Variants in RBMS3 observed in about 807,000 individuals in gnomAD.
RBMS3 encodes RNA-binding motif, single-stranded-interacting protein 3.
A neutral mutation model predicts 66.8 loss-of-function variants in RBMS3; 27 were observed. The ratio of observed to expected loss-of-function variants is 0.40; its 90% CI spans 0.30 to 0.56. The LOEUF (loss-of-function observed/expected upper bound fraction) is 0.56, where lower values mean the gene tolerates loss of function less well. Among genes scored for constraint, RBMS3 ranks in the 20% least tolerant of loss-of-function variants. The pLI, the probability that RBMS3 is intolerant of heterozygous loss-of-function variation, is 0.40. For missense variants in RBMS3, 513 were observed against 549.5 expected (o/e 0.93, Z 0.66); for synonymous variants, 188 against 183.0 (o/e 1.03, Z -0.22).
chr3:29,931,067 G>T (rs956684706), intron 10 of RBMS3, among the ~76,000 whole-genome samples: 5 of 152,130 alleles, frequency 3.3e-5, no homozygotes, highest in Non-Finnish European at 7.4e-5. Flanking sequence ...CTAGACAGTG[G>T]TGAACAAAAC....
chr3:29,677,146 G>T (rs2051290991), intron 4 of RBMS3, among the ~76,000 whole-genome samples: 1 of 152,060 alleles, frequency 6.6e-6, no homozygotes, highest in South Asian at 2.1e-4. Context: ...AAGGGGGATG[G>T]TACTAAACAA....
At position 29,701,234 on chromosome 3, in the gene RBMS3, G is replaced by A. The variant is rs533745179; in HGVS notation, c.400-38486G>A. 7.2e-5 allele frequency among the ~76,000 whole-genome samples: 11 copies of A among 151,758 alleles called. No homozygotes were observed. The South Asian group carries it at 1.9e-3, about 26-fold the overall frequency. On this transcript the variant is annotated intron_variant, in intron 4 of 14. Transcript: ENST00000383767. ...AGAGGTTGCAGTGAGCTGAGATCGC[G>A]CCATTGCACTCCAGCCTGGGCAATA... is the stretch of plus-strand genomic sequence containing the variant.
At chr3:29,776,872 G>A (rs889156987) in intron 6 of RBMS3, among the ~76,000 whole-genome samples, 1 of 151,872 alleles carries the variant, frequency 6.6e-6, no homozygotes, top group Non-Finnish European at 1.5e-5. Context: ...AATTATACAT[G>A]TCCATGTTAG....
At chr3:29,905,565 G>A (rs371456055) in intron 10 of RBMS3, among the ~76,000 whole-genome samples, 1 of 151,710 alleles carries the variant, frequency 6.6e-6, no homozygotes, top group Non-Finnish European at 1.5e-5. Flanking sequence ...TTTTATCTTT[G>A]TATCTGTTTT....
chr3:29,344,838 A>G (rs1575583834), intron 1 of RBMS3, among the ~76,000 whole-genome samples: 1 of 152,220 alleles, frequency 6.6e-6, no homozygotes, highest in Non-Finnish European at 1.5e-5. Flanking sequence ...TAAATAAAAT[A>G]GGTTATCTTG....
At chr3:29,682,416 G>A (rs1559564796) in intron 4 of RBMS3, among the ~76,000 whole-genome samples, 1 of 152,232 alleles carries the variant, frequency 6.6e-6, no homozygotes. Flanking sequence ...GCCTCCCAAA[G>A]TGCGGGGATG....
At chr3:29,886,596 G>A (rs542109264) in intron 8 of RBMS3, among the ~76,000 whole-genome samples, 14 of 151,946 alleles carry the variant, frequency 9.2e-5, no homozygotes, top group South Asian at 8.3e-4. Context: ...GTTTTACTGG[G>A]GTGAAAGTTT....
chr3:29,675,220 C>G (rs900779453), intron 4 of RBMS3, among the ~76,000 whole-genome samples: 20 of 152,112 alleles, frequency 1.3e-4, no homozygotes, highest in African/African-American at 4.8e-4. Context: ...ACTGGCTAGC[C>G]ATATGTAGAA....
chr3:29,534,742 G>A (rs528563936), intron 3 of RBMS3, among the ~76,000 whole-genome samples: 108 of 152,222 alleles, frequency 7.1e-4, no homozygotes, highest in Non-Finnish European at 1.1e-3. Context: ...CTTTAAATAA[G>A]CCCTGATCAT....
chr3:29,302,088 C>T (rs1297191992), intron 1 of RBMS3, among the ~76,000 whole-genome samples: 1 of 152,052 alleles, frequency 6.6e-6, no homozygotes, highest in Non-Finnish European at 1.5e-5. Flanking sequence ...TGGCTCACTG[C>T]AGCCTTGAGC....
chr3:29,972,096 T>C (rs1054766006), intron 12 of RBMS3, among the ~76,000 whole-genome samples: 1 of 152,094 alleles, frequency 6.6e-6, no homozygotes, highest in Admixed American at 6.6e-5. Context: ...ACGGTTATCA[T>C]CAAACTAACT....
intron 10 of RBMS3, among the ~76,000 whole-genome samples, chr3:29,900,277 A>G (rs2149608514): frequency 6.6e-6 from 1 of 151,890 alleles, no homozygotes; most frequent in South Asian, 2.1e-4. Flanking sequence ...GTTGTCTGCT[A>G]ATAGATGAAT....
At chr3:29,782,025 C>G (rs1011686345) in intron 6 of RBMS3, among the ~76,000 whole-genome samples, 7 of 39,784 alleles carry the variant, frequency 1.8e-4, no homozygotes, top group African/African-American at 2.8e-4. Context: ...CTTATCCCTG[C>G]CCCCCACCTG....
intron 4 of RBMS3, 119 bp downstream of exon 4, chr3:29,587,324 A>G: frequency 3.4e-6 from 2 of 587,010 alleles, no homozygotes; most frequent in Admixed American, 4.3e-5. Flanking sequence ...GAGAGATTAA[A>G]TATTTCTCCT....
intron 1 of RBMS3, among the ~76,000 whole-genome samples, chr3:29,315,573 G>A (rs1325425884): frequency 6.6e-6 from 1 of 151,566 alleles, no homozygotes; most frequent in Non-Finnish European, 1.5e-5. Context: ...ATCATATTAC[G>A]GGCATTTGCG....
intron 3 of RBMS3, among the ~76,000 whole-genome samples, chr3:29,582,407 G>T (rs1354514679): frequency 6.6e-6 from 1 of 152,208 alleles, no homozygotes; most frequent in Non-Finnish European, 1.5e-5. Context: ...TTGCAGAACT[G>T]CTGGCCTTCT....
intron 1 of RBMS3, among the ~76,000 whole-genome samples, chr3:29,372,538 T>G (rs2038260639): frequency 6.6e-6 from 1 of 152,114 alleles, no homozygotes; most frequent in African/African-American, 2.4e-5. Flanking sequence ...AAATAATGGT[T>G]TTGTTGGGAG....
chr3:29,377,264 C>A (rs946148917), intron 1 of RBMS3, among the ~76,000 whole-genome samples: 1 of 152,128 alleles, frequency 6.6e-6, no homozygotes, highest in Non-Finnish European at 1.5e-5. Flanking sequence ...AGGGGGACTT[C>A]AGGGAACCAC....
intron 3 of RBMS3, among the ~76,000 whole-genome samples, chr3:29,539,504 C>A (rs559832091): frequency 1.3e-5 from 2 of 152,128 alleles, no homozygotes; most frequent in African/African-American, 4.8e-5. Context: ...CTCCCTCCAG[C>A]TTATTACATC....
Sources: gnomAD v4.1 joint callset for allele counts (sites outside exome capture counted in the v4.1 genomes callset) on GRCh38, gnomAD v4.1.1 for gene constraint, MANE v1.5 for transcripts, NCBI Gene and HGNC (gene_info 2026-07-23, HGNC 2026-07-21) for gene names.